The following CPNE4 variants were observed in gnomAD, a reference collection of about 807,000 sequenced individuals.
CPNE4 encodes copine-4.
A neutral mutation model predicts 67.9 loss-of-function variants in CPNE4; 25 were observed. The ratio of observed to expected loss-of-function variants is 0.37; its 90% confidence interval spans 0.27 to 0.51. CPNE4 has a LOEUF of 0.51. Among genes scored for constraint, CPNE4 ranks in the 20% least tolerant of loss-of-function variants. CPNE4 has a pLI of 0.93. For synonymous variants in CPNE4, 242 were observed against 244.9 expected, an observed-to-expected ratio of 0.99 and a Z score of 0.11; for missense variants, 464 against 690.8, an observed-to-expected ratio of 0.67 and a Z score of 3.68.
intron 5 of CPNE4, 21 bp downstream of exon 5, chr3:131,696,521 G>T (rs2081162531): frequency 1.2e-6 from 2 of 1,608,908 alleles, no homozygotes; most frequent in Admixed American, 1.7e-5. Flanking sequence ...CCTTCAATAA[G>T]GTTAATGCCA....
intron 1 of CPNE4, among the ~76,000 whole-genome samples, chr3:131,967,767 A>C (rs1321602742): frequency 2.0e-5 from 3 of 152,234 alleles, no homozygotes; most frequent in Admixed American, 6.5e-5. Context: ...ATATCGTGAA[A>C]ATGGCCATAT....
At chr3:131,775,806 CAA>C (rs1367565543) in intron 2 of CPNE4, among the ~76,000 whole-genome samples, 1 of 152,134 alleles carries the variant, frequency 6.6e-6, no homozygotes, top group African/African-American at 2.4e-5. Context: ...CTTCAAAACT[CAA>C]AGACAAAGGA....
At chr3:132,034,266 C>A (rs2074301159) in intron 1 of CPNE4, among the ~76,000 whole-genome samples, 4 of 152,092 alleles carry the variant, frequency 2.6e-5, no homozygotes, top group Admixed American at 6.5e-5. Flanking sequence ...CCTGACCTAT[C>A]CCTCACCCGT....
chr3:132,028,675 A>T (rs2074170164), intron 1 of CPNE4, among the ~76,000 whole-genome samples: 1 of 152,202 alleles, frequency 6.6e-6, no homozygotes, highest in Non-Finnish European at 1.5e-5. Flanking sequence ...AAAAATGGCG[A>T]AAGTAATTTT....
At chr3:131,752,161 G>A (rs2082645412) in intron 2 of CPNE4, among the ~76,000 whole-genome samples, 1 of 152,142 alleles carries the variant, frequency 6.6e-6, no homozygotes, top group Admixed American at 6.6e-5. Context: ...CAGTGGGGGT[G>A]AAATCTCCAG....
At chr3:131,939,421 T>C in intron 1 of CPNE4, among the ~76,000 whole-genome samples, 1 of 152,138 alleles carries the variant, frequency 6.6e-6, no homozygotes. Flanking sequence ...ATTTTAAAAA[T>C]GTATGTATGT....
At position 131,708,957 on chromosome 3, in the gene CPNE4, GATATATATATATATAT is replaced by G. The variant is rs202119937; in HGVS notation, c.361-8993_361-8978del. Among the ~76,000 whole-genome samples, 375 of 65,848 alleles carry G rather than the reference GATATATATATATATAT, an allele frequency of 5.7e-3. 13 individuals carry two copies. The highest frequency in any genetic ancestry group is 0.011 in the African/African-American group (232 of 21,580). 43.2% of individuals were successfully genotyped at this position (65,848 alleles called of 152,430 possible). A position where few individuals can be genotyped will look rare whatever the true frequency, so the allele number is the denominator to read the frequency against. On this transcript the variant is annotated intron_variant, in intron 3 of 15. Coordinates refer to ENST00000429747, the MANE Select transcript of CPNE4 (RefSeq NM_130808.3). ...AAAAATCAGTGTCTGAGGGCATAAA[GATATATATATATATAT>G]ATATATATATATATATATATATACA...
chr3:131,821,041 T>C (rs2084941732), intron 2 of CPNE4, among the ~76,000 whole-genome samples: 1 of 152,180 alleles, frequency 6.6e-6, no homozygotes, highest in Non-Finnish European at 1.5e-5. Context: ...TATGCCAAAA[T>C]CTTCCCACAT....
intron 2 of CPNE4, among the ~76,000 whole-genome samples, chr3:131,788,240 A>T (rs1164076734): frequency 1.3e-5 from 2 of 149,114 alleles, no homozygotes; most frequent in Non-Finnish European, 3.0e-5. Context: ...AAGACAAATA[A>T]ACAATTGAAA....
chr3:131,836,840 T>TA (rs1478765348), intron 2 of CPNE4, among the ~76,000 whole-genome samples: 1 of 152,136 alleles, frequency 6.6e-6, no homozygotes, highest in Non-Finnish European at 1.5e-5. Flanking sequence ...AAAAGACTTG[T>TA]ATAACCAGAA....
At chr3:131,681,071 T>C (rs2080739755) in intron 6 of CPNE4, among the ~76,000 whole-genome samples, 1 of 152,250 alleles carries the variant, frequency 6.6e-6, no homozygotes, top group Admixed American at 6.5e-5. Flanking sequence ...CATTGACTGA[T>C]AGACATTTGG....
intron 2 of CPNE4, among the ~76,000 whole-genome samples, chr3:131,732,283 T>G (rs2082145520): frequency 6.6e-6 from 1 of 152,220 alleles, no homozygotes; most frequent in Non-Finnish European, 1.5e-5. Context: ...GTTGGTTTAT[T>G]TGGATGTTTT....
intron 3 of CPNE4, among the ~76,000 whole-genome samples, chr3:131,708,957 GATATATATATATATATATATATATATAT>G (rs202119937): frequency 1.0e-3 from 68 of 65,848 alleles, no homozygotes; most frequent in Admixed American, 6.5e-3. Context: ...AGGGCATAAA[GATATATATATATATATATATATATATAT>G]ATATATATAT....
At chr3:131,548,533 G>T (rs191725043) in intron 14 of CPNE4, among the ~76,000 whole-genome samples, 1 of 152,180 alleles carries the variant, frequency 6.6e-6, no homozygotes, top group Non-Finnish European at 1.5e-5. Context: ...ACTTTCAGAG[G>T]GGTTGAGAGT....
At chr3:131,864,235 C>A (rs1397956172) in intron 2 of CPNE4, among the ~76,000 whole-genome samples, 1 of 151,252 alleles carries the variant, frequency 6.6e-6, no homozygotes, top group East Asian at 2.0e-4. Flanking sequence ...TTTTCCAATT[C>A]TGTGAAGAAA....
At chr3:131,593,717 T>G (rs1325083976) in intron 7 of CPNE4, among the ~76,000 whole-genome samples, 2 of 152,118 alleles carry the variant, frequency 1.3e-5, no homozygotes, top group Non-Finnish European at 2.9e-5. Flanking sequence ...TTTGTTTGTT[T>G]GTTTGTTTTG....
chr3:131,702,652 C>T (rs558605590), intron 3 of CPNE4, among the ~76,000 whole-genome samples: 2 of 152,332 alleles, frequency 1.3e-5, no homozygotes, highest in African/African-American at 2.4e-5. Context: ...ATTGCATTAG[C>T]AGGTGTGGGT....
chr3:131,555,994 T>C (rs983579909), intron 11 of CPNE4, among the ~76,000 whole-genome samples: 2 of 151,990 alleles, frequency 1.3e-5, no homozygotes, highest in African/African-American at 4.8e-5. Context: ...GGAAATGCCT[T>C]GAGAGGTAAA....
chr3:131,906,595 T>C (rs2088775639), intron 1 of CPNE4, among the ~76,000 whole-genome samples: 1 of 152,050 alleles, frequency 6.6e-6, no homozygotes, highest in African/African-American at 2.4e-5. Flanking sequence ...TCATTTTTTA[T>C]GGCTGCATAG....
Sources: gnomAD v4.1 joint callset for allele counts (sites outside exome capture counted in the v4.1 genomes callset) on GRCh38, gnomAD v4.1.1 for gene constraint, MANE v1.5 for transcripts, NCBI Gene and HGNC (gene_info 2026-07-23, HGNC 2026-07-21) for gene names.